MMADHC: variants seen among roughly 807,000 people sequenced by gnomAD.
The protein encoded by MMADHC is cobalamin trafficking protein CblD.
A neutral mutation model predicts 36.3 loss-of-function variants in MMADHC; 23 were observed. The observed-to-expected ratio is 0.63, with a 90% CI of 0.46 to 0.90. The LOEUF is 0.90. Ranked by LOEUF, MMADHC falls within the 40% of genes least tolerant of loss-of-function variation. MMADHC has a pLI of 0.00. For synonymous variants in MMADHC, 97 were observed against 116.1 expected (o/e 0.84, Z 1.06); for missense variants, 330 against 348.0 (o/e 0.95, Z 0.41).
chr2:149,581,068 T>G (rs969995264), intron 3 of MMADHC, among the ~76,000 whole-genome samples: 16 of 152,220 alleles, frequency 1.1e-4, no homozygotes, highest in African/African-American at 3.4e-4. Flanking sequence ...AATCCCTAGA[T>G]TCTCTTTACA....
rs4500908 is a variant in MMADHC at position 149,571,002 on chromosome 2, C to T, written c.696+83G>A. The stretch of plus-strand genomic sequence containing the variant: ...TGTGAGATTTTTAAAAAGTCTTAAT[C>T]TATTACCAAAGTTATAAACACATTT... On this transcript the variant is annotated intron_variant, in intron 7 of 7. Transcript: ENST00000303319. The T allele has an allele frequency of 0.76, 871,705 of 1,149,284 alleles. 339,505 individuals carry two copies. The highest frequency in any genetic ancestry group is 0.87 in the East Asian group (35,124 of 40,312). The allele number at this position is 1,149,284 out of a possible 1,614,324, so 71.2% of individuals were successfully genotyped here.
At chr2:149,587,520 G>A (rs1682891931) in intron 1 of MMADHC, 144 bp downstream of exon 1, 1 of 242,718 alleles carries the variant, frequency 4.1e-6, no homozygotes, top group African/African-American at 2.2e-5. Flanking sequence ...GAAAGATGAG[G>A]AAGCAGAAAA....
At chr2:149,584,604 A>T (rs1171540177) in intron 2 of MMADHC, among the ~76,000 whole-genome samples, 2 of 152,240 alleles carry the variant, frequency 1.3e-5, no homozygotes, top group Non-Finnish European at 2.9e-5. Flanking sequence ...AAGTTATATA[A>T]TAAAATATGA....
intron 2 of MMADHC, chr2:149,586,887 T>C (rs1682878825): frequency 1.6e-6 from 1 of 606,698 alleles, no homozygotes; most frequent in Admixed American, 2.9e-5. Context: ...TGAAATTGTA[T>C]AAATAAGTGT....
chr2:149,586,113 T>A (rs1682865493), intron 2 of MMADHC, among the ~76,000 whole-genome samples: 1 of 152,186 alleles, frequency 6.6e-6, no homozygotes, highest in Non-Finnish European at 1.5e-5. Context: ...CACTTTAGAC[T>A]TAATATACCA....
chr2:149,581,217 C>T (rs1573879524), intron 3 of MMADHC, among the ~76,000 whole-genome samples: 1 of 152,174 alleles, frequency 6.6e-6, no homozygotes, highest in South Asian at 2.1e-4. Flanking sequence ...GTTATCTTTT[C>T]CTATTGATCT....
At chr2:149,574,202 G>T (rs1455495564) in intron 6 of MMADHC, among the ~76,000 whole-genome samples, 1 of 152,034 alleles carries the variant, frequency 6.6e-6, no homozygotes, top group East Asian at 1.9e-4. Context: ...AACCACTAAT[G>T]CAATATACAT....
chr2:149,587,009 T>A, intron 2 of MMADHC, 80 bp downstream of exon 2: 1 of 1,403,202 alleles, frequency 7.1e-7, no homozygotes, highest in Admixed American at 1.7e-5. Context: ...CCCAATGCCA[T>A]CATAATTAAA....
chr2:149,585,269 T>G (rs1420857838), intron 2 of MMADHC, among the ~76,000 whole-genome samples: 3 of 152,174 alleles, frequency 2.0e-5, no homozygotes, highest in Non-Finnish European at 4.4e-5. Context: ...ACTTCTAGAC[T>G]TGGGAAGATG....
At chr2:149,583,479 C>A (rs370555822) in intron 2 of MMADHC, among the ~76,000 whole-genome samples, 246 of 152,182 alleles carry the variant, frequency 1.6e-3, no homozygotes, top group African/African-American at 5.8e-3. Context: ...TGGTAAAGGG[C>A]TTGTTACATC....
At chr2:149,574,519 T>G (rs1373384131) in intron 6 of MMADHC, among the ~76,000 whole-genome samples, 1 of 152,192 alleles carries the variant, frequency 6.6e-6, no homozygotes, top group Admixed American at 6.5e-5. Context: ...AAGGGATTTT[T>G]TAACTCAAGT....
intron 6 of MMADHC, among the ~76,000 whole-genome samples, chr2:149,575,251 A>G (rs553250622): frequency 1.3e-5 from 2 of 152,308 alleles, no homozygotes; most frequent in South Asian, 4.1e-4. Context: ...GTGGGTATAC[A>G]TTATTACACT....
At chr2:149,576,332 A>T in intron 5 of MMADHC, 105 bp downstream of exon 5, 1 of 821,834 alleles carries the variant, frequency 1.2e-6, no homozygotes, top group Middle Eastern at 2.8e-4. Context: ...CAGATACGGT[A>T]AAATATAATA....
At chr2:149,579,025 T>C (rs13413860) in intron 4 of MMADHC, among the ~76,000 whole-genome samples, 2,264 of 150,140 alleles carry the variant, frequency 0.015, 58 homozygotes, top group African/African-American at 0.052. Flanking sequence ...ATTTCAGAGA[T>C]CTCAAATTTT....
intron 2 of MMADHC, chr2:149,586,795 C>T (rs890668008): frequency 1.7e-5 from 7 of 404,850 alleles, no homozygotes; most frequent in African/African-American, 1.3e-4. Flanking sequence ...AAAAAAGGGC[C>T]TAAACATAGA....
intron 2 of MMADHC, among the ~76,000 whole-genome samples, chr2:149,584,718 C>T (rs1682838627): frequency 6.6e-6 from 1 of 152,098 alleles, no homozygotes; most frequent in Admixed American, 6.6e-5. Context: ...GATGATAGTA[C>T]TAATCTGTTT....
Position 149,582,994 on chromosome 2 carries a change from G to GTT in MMADHC, c.10-724_10-723insAA, listed in dbSNP as rs199891780. ...CTGTTTTGGTAAATAAAGTTTTACT[G>GTT]TAACATAGACATACTAATTTATGTA... is the stretch of plus-strand genomic sequence containing the variant. On this transcript the variant is annotated intron_variant, in intron 2 of 7. Transcript: ENST00000303319. Among the ~76,000 whole-genome samples the GTT allele has an allele frequency of 8.7e-4, 132 of 152,258 alleles. 1 individual carries two copies. Among genetic ancestry groups the GTT allele is most frequent in the African/African-American group, 2.8e-3 (118 of 41,538 alleles).
rs570780792 is a variant in MMADHC at position 149,578,757 on chromosome 2, G to A, written c.372+674C>T. Among the ~76,000 whole-genome samples, 46 of 151,982 alleles carry A rather than the reference G, an allele frequency of 3.0e-4. No homozygotes were observed. In the South Asian group the frequency reaches 8.9e-3, roughly 29 times the overall value. On this transcript the variant is annotated intron_variant, in intron 4 of 7. Transcript: ENST00000303319. ...TAACATAACTCAAATGTAAGGAATT[G>A]GTGCTGCTTATAATATGGCTTTGAT...
At chr2:149,584,796 C>G (rs545485537) in intron 2 of MMADHC, among the ~76,000 whole-genome samples, 3 of 152,126 alleles carry the variant, frequency 2.0e-5, no homozygotes, top group African/African-American at 7.2e-5. Flanking sequence ...TGCCTGTAAT[C>G]CCAGCACTTA....
Sources: allele counts gnomAD v4.1 joint callset (sites outside exome capture counted in the v4.1 genomes callset), GRCh38; gene constraint gnomAD v4.1.1; transcripts MANE v1.5; gene names NCBI Gene and HGNC (gene_info 2026-07-23, HGNC 2026-07-21).